Variants in GLI2 observed in about 807,000 individuals in gnomAD.
The protein encoded by GLI2 is transcription activator GLI2.
In GLI2, 22 loss-of-function variants were observed where a neutral mutation model predicts 78.9. The observed-to-expected ratio is 0.28, with a 90% CI of 0.20 to 0.40. GLI2 has a LOEUF of 0.40. Ranked by LOEUF, GLI2 falls within the 10% of genes least tolerant of loss-of-function variation. The pLI is 1.00. For synonymous variants in GLI2, 974 were observed against 963.7 expected, an observed-to-expected ratio of 1.01 and a Z score of -0.20; for missense variants, 2,097 against 2,213.2, an observed-to-expected ratio of 0.95 and a Z score of 1.05.
chr2:120,820,024 G>A (rs1271363091), intron 2 of GLI2, among the ~76,000 whole-genome samples: 1 of 152,150 alleles, frequency 6.6e-6, no homozygotes, highest in African/African-American at 2.4e-5. Flanking sequence ...AGCCGCCAAG[G>A]CCATGGGAAC....
At chr2:120,982,684 G>C in intron 10 of GLI2, 32 bp from the exon 11 acceptor site, 2 of 1,592,214 alleles carry the variant, frequency 1.3e-6, no homozygotes, top group Non-Finnish European at 1.7e-6. Flanking sequence ...GCCCCCTGGG[G>C]TGCCTTGACT....
chr2:120,867,827 T>TG (rs1034937832), intron 2 of GLI2, among the ~76,000 whole-genome samples: 1 of 148,188 alleles, frequency 6.7e-6, no homozygotes, highest in Non-Finnish European at 1.5e-5. Context: ...GGAGGGAGGA[T>TG]GGGGGAGGAA....
Position 120,988,870 on chromosome 2 carries a change from C to T in GLI2, c.2905C>T (p.Arg969Cys), listed in dbSNP as rs911667474. ...TGCCCTGTCCCTGCCGCGGGTGCAG[C>T]GCTTCCACAGCACCCACAACGTGAA... ...PDALSLPRVQ[R>C]FHSTHNVNPG... is the part of the protein sequence containing the mutation. The change falls in exon 14 of 14, where the codon CGC becomes TGC. Residue 969 changes from arginine (R) to cysteine (C), a missense_variant. By Grantham distance (180) the Arg-to-Cys change is radical (BLOSUM62 -3). Coordinates refer to ENST00000361492, the MANE Select transcript of GLI2 (RefSeq NM_001374353.1). 4.0e-6 allele frequency: 6 copies of T among 1,499,560 alleles called. No individual in the cohort carries two copies. Among genetic ancestry groups the T allele is most frequent in the South Asian group, 2.4e-5 (2 of 82,730 alleles). The allele number at this position is 1,499,560 out of a possible 1,614,324, so 92.9% of individuals were successfully genotyped here.
At chr2:120,836,561 G>C (rs1487887866) in intron 2 of GLI2, among the ~76,000 whole-genome samples, 1 of 152,182 alleles carries the variant, frequency 6.6e-6, no homozygotes, top group East Asian at 1.9e-4. Context: ...GTGTCCCTGT[G>C]GGAGAACTTT....
intron 5 of GLI2, among the ~76,000 whole-genome samples, chr2:120,963,727 A>T (rs1026032094): frequency 2.0e-5 from 3 of 152,228 alleles, no homozygotes; most frequent in African/African-American, 7.2e-5. Context: ...CACCCTGGGC[A>T]TAGGCCCTGT....
At chr2:120,795,392 G>A (rs1439886479) in intron 1 of GLI2, among the ~76,000 whole-genome samples, 3 of 151,832 alleles carry the variant, frequency 2.0e-5, no homozygotes, top group African/African-American at 7.3e-5. Context: ...GTGTGATGGC[G>A]CATGCCTGTA....
At chr2:120,826,522 C>T (rs1005206400) in intron 2 of GLI2, among the ~76,000 whole-genome samples, 1 of 152,184 alleles carries the variant, frequency 6.6e-6, no homozygotes, top group African/African-American at 2.4e-5. Context: ...GGGTCCCCTC[C>T]GTGTGGGACC....
chr2:120,841,750 G>C (rs1686881498), intron 2 of GLI2, among the ~76,000 whole-genome samples: 1 of 152,188 alleles, frequency 6.6e-6, no homozygotes, highest in African/African-American at 2.4e-5. Flanking sequence ...GTGGGGGAGA[G>C]GCCTGTCCCT....
chr2:120,840,117 A>C (rs1407058433), intron 2 of GLI2, among the ~76,000 whole-genome samples: 2 of 152,092 alleles, frequency 1.3e-5, no homozygotes, highest in Non-Finnish European at 2.9e-5. Flanking sequence ...CTTCAGTTAC[A>C]TCCCGCACAT....
chr2:120,964,489 G>A (rs752997328), intron 5 of GLI2, among the ~76,000 whole-genome samples: 2 of 152,252 alleles, frequency 1.3e-5, no homozygotes, highest in Non-Finnish European at 2.9e-5. Context: ...CAAGCAAGTG[G>A]TGGGCTGTGC....
chr2:120,754,854 CT>C (rs61059541), intron 1 of GLI2, among the ~76,000 whole-genome samples: 32,683 of 142,868 alleles, frequency 0.23, 3,856 homozygotes, highest in Non-Finnish European at 0.28. Flanking sequence ...ACCATTTTTT[CT>C]TTTTTTTTTT....
chr2:120,766,191 C>T (rs1255635735), intron 1 of GLI2, among the ~76,000 whole-genome samples: 1 of 152,232 alleles, frequency 6.6e-6, no homozygotes. Flanking sequence ...CCCTCTGTGA[C>T]CTCGCAGCCT....
intron 2 of GLI2, among the ~76,000 whole-genome samples, chr2:120,854,206 G>T (rs1269263751): frequency 6.6e-6 from 1 of 152,186 alleles, no homozygotes; most frequent in Non-Finnish European, 1.5e-5. Flanking sequence ...CCTGGAGGAG[G>T]TGACTCCTGA....
intron 2 of GLI2, among the ~76,000 whole-genome samples, chr2:120,870,852 G>A (rs950363801): frequency 6.6e-6 from 1 of 152,160 alleles, no homozygotes; most frequent in Non-Finnish European, 1.5e-5. Flanking sequence ...CATGCAACCT[G>A]CATGCCCACC....
At chr2:120,793,450 A>C (rs997998083) in intron 1 of GLI2, among the ~76,000 whole-genome samples, 1 of 152,114 alleles carries the variant, frequency 6.6e-6, no homozygotes, top group Non-Finnish European at 1.5e-5. Flanking sequence ...AGATGAGACT[A>C]TCCGCTTTGG....
At chr2:120,920,087 A>G (rs1488563597) in intron 2 of GLI2, among the ~76,000 whole-genome samples, 2 of 152,230 alleles carry the variant, frequency 1.3e-5, no homozygotes, top group African/African-American at 4.8e-5. Flanking sequence ...TTCCAAGCTA[A>G]TTCCCTCCCG....
Position 120,990,738 on chromosome 2 carries a change from TC to T in GLI2, c.*65del. ...TCATCGCTGCCCAGAGCCTGGGGAT[TC>T]CAGCTGTCTTGTCTTTTTCCAAAAA... On this transcript the variant is annotated 3_prime_UTR_variant, in exon 14 of 14. Coordinates refer to ENST00000361492, the MANE Select transcript of GLI2 (RefSeq NM_001374353.1). 7.2e-7 allele frequency: 1 copy of T among 1,391,968 alleles called. No homozygotes were observed. Among genetic ancestry groups the T allele is most frequent in the Non-Finnish European group, 9.9e-7 (1 of 1,009,718 alleles). 86.2% of individuals were successfully genotyped at this position (1,391,968 alleles called of 1,614,324 possible). A position where few individuals can be genotyped will look rare whatever the true frequency, so the allele number is the denominator to read the frequency against.
intron 2 of GLI2, among the ~76,000 whole-genome samples, chr2:120,881,169 G>T (rs1444985112): frequency 1.3e-5 from 2 of 152,218 alleles, no homozygotes; most frequent in Admixed American, 6.5e-5. Context: ...TTCAAGAAAG[G>T]CAACTCAAGT....
At chr2:120,881,941 G>A (rs1249804511) in intron 2 of GLI2, among the ~76,000 whole-genome samples, 2 of 151,980 alleles carry the variant, frequency 1.3e-5, no homozygotes, top group African/African-American at 2.4e-5. Context: ...TGTCAGCCCA[G>A]CAACCAAAGA....
Sources: allele counts gnomAD v4.1 joint callset (sites outside exome capture counted in the v4.1 genomes callset), GRCh38; gene constraint gnomAD v4.1.1; transcripts MANE v1.5; gene names NCBI Gene and HGNC (gene_info 2026-07-23, HGNC 2026-07-21).